EGLN3: variants seen among roughly 807,000 people sequenced by gnomAD.
EGLN3 encodes the protein egl-9 family hypoxia inducible factor 3.
In EGLN3, 15 loss-of-function variants were observed where a neutral mutation model predicts 26.0. That is an observed-to-expected ratio of 0.58 (90% confidence interval 0.39 to 0.89). The LOEUF (loss-of-function observed/expected upper bound fraction) is 0.89. Ranked by LOEUF, EGLN3 falls within the 40% of genes least tolerant of loss-of-function variation. The pLI, the probability that EGLN3 is intolerant of heterozygous loss-of-function variation, is 0.00. For synonymous variants in EGLN3, 147 were observed against 127.2 expected, an observed-to-expected ratio of 1.16 and a Z score of -1.05; for missense variants, 238 against 311.6, an observed-to-expected ratio of 0.76 and a Z score of 1.78.
rs141303016 is a variant in EGLN3 at position 33,938,333 on chromosome 14, C to T, written c.358-7118G>A. On this transcript the variant is annotated intron_variant, in intron 1 of 4. Transcript: ENST00000250457. ...TTTCTGCATTGTGGTTAATTCTTCT[C>T]CTTGGAGGGGATTCAGCCAGAGCCC... Among the ~76,000 whole-genome samples, 88 of 152,318 alleles carry T rather than the reference C, an allele frequency of 5.8e-4. 2 individuals are homozygous for T. The highest frequency in any genetic ancestry group is 2.1e-3 in the African/African-American group (87 of 41,586).
intron 1 of EGLN3, among the ~76,000 whole-genome samples, chr14:33,944,793 C>T (rs1238769679): frequency 6.6e-6 from 1 of 152,242 alleles, no homozygotes; most frequent in African/African-American, 2.4e-5. Context: ...CCTTCCCCAT[C>T]CACGGACAGG....
chr14:33,931,207 C>T lies in EGLN3; in HGVS notation c.366G>A (p.Val122=), dbSNP rs781688677. 1.1e-5 allele frequency: 18 copies of T among 1,614,200 alleles called. No individual in the cohort carries two copies. In the South Asian group the frequency reaches 2.0e-4, roughly 18 times the overall value. The change falls in exon 2 of 5, where the codon GTG becomes GTA. Residue 122 remains valine (V), a synonymous_variant. Coordinates refer to ENST00000250457, the MANE Select transcript of EGLN3 (RefSeq NM_022073.4). ...YYVKERSKAM[V]ACYPGNGTGY... ...CTGTTCCATTTCCCGGATAGCAAGCCACCATTGCCTATGGAGAAATCCCAA... is the reference window on the plus strand; with the variant it reads ...CTGTTCCATTTCCCGGATAGCAAGCTACCATTGCCTATGGAGAAATCCCAA...
chr14:33,950,785 G>GTGATA lies in EGLN3; in HGVS notation c.-34_-33insTATCA. ...GCAGAATCGAGGTCCGGGATCCCCAGCGTGCAACCAGAGAGGGAACGATCT... is the reference window on the plus strand; with the variant it reads ...GCAGAATCGAGGTCCGGGATCCCCAGTGATACGTGCAACCAGAGAGGGAACGATCT... On this transcript the variant is annotated 5_prime_UTR_variant, in exon 1 of 5. Transcript: ENST00000250457. 7.2e-7 allele frequency: 1 copy of GTGATA among 1,396,216 alleles called. No individual in the cohort carries two copies. Among genetic ancestry groups the GTGATA allele is most frequent in the South Asian group, 1.9e-5 (1 of 52,936 alleles). The allele number at this position is 1,396,216 out of a possible 1,614,324, so 86.5% of individuals were successfully genotyped here. A position where few individuals can be genotyped will look rare whatever the true frequency, so the allele number is the denominator to read the frequency against.
intron 1 of EGLN3, among the ~76,000 whole-genome samples, chr14:33,933,017 C>T (rs1435466298): frequency 6.6e-6 from 1 of 152,156 alleles, no homozygotes; most frequent in Non-Finnish European, 1.5e-5. Context: ...AGGCTCCCCC[C>T]ACTGAGTGTG....
At chr14:33,939,432 T>C (rs367695242) in intron 1 of EGLN3, among the ~76,000 whole-genome samples, 2 of 152,102 alleles carry the variant, frequency 1.3e-5, no homozygotes, top group African/African-American at 4.8e-5. Flanking sequence ...GGATGGTCTC[T>C]ATCTCCTGAC....
chr14:33,928,743 A>G (rs1366405926), intron 3 of EGLN3, among the ~76,000 whole-genome samples: 1 of 152,168 alleles, frequency 6.6e-6, no homozygotes, highest in African/African-American at 2.4e-5. Context: ...TTCTCTAGGC[A>G]TAGTTCAACA....
At chr14:33,946,678 C>G (rs1531800) in intron 1 of EGLN3, among the ~76,000 whole-genome samples, 39,106 of 152,150 alleles carry the variant, frequency 0.26, 5,855 homozygotes, top group Non-Finnish European at 0.35. Flanking sequence ...TCTGGAGTTA[C>G]ACAAATCTAG....
intron 1 of EGLN3, among the ~76,000 whole-genome samples, chr14:33,943,276 G>T (rs1439312436): frequency 6.6e-6 from 1 of 152,132 alleles, no homozygotes; most frequent in African/African-American, 2.4e-5. Flanking sequence ...CCTTAGTCTG[G>T]CACCATCAAA....
intron 1 of EGLN3, among the ~76,000 whole-genome samples, chr14:33,937,873 C>T (rs750793273): frequency 2.0e-5 from 3 of 152,212 alleles, no homozygotes; most frequent in African/African-American, 4.8e-5. Context: ...AACCGACTCT[C>T]GGTTGCTCTA....
chr14:33,944,668 G>T (rs1401248267), intron 1 of EGLN3, among the ~76,000 whole-genome samples: 1 of 152,220 alleles, frequency 6.6e-6, no homozygotes, highest in Non-Finnish European at 1.5e-5. Context: ...TGACTAATGA[G>T]CGTAAACGTG....
chr14:33,933,742 C>A (rs1056115732), intron 1 of EGLN3, among the ~76,000 whole-genome samples: 1 of 152,010 alleles, frequency 6.6e-6, no homozygotes, highest in Non-Finnish European at 1.5e-5. Flanking sequence ...AGCCTGACTT[C>A]AATAACTAGC....
At chr14:33,932,861 A>C (rs1366318024) in intron 1 of EGLN3, among the ~76,000 whole-genome samples, 1 of 152,162 alleles carries the variant, frequency 6.6e-6, no homozygotes, top group Non-Finnish European at 1.5e-5. Context: ...CTAGCAAGAG[A>C]AGAAGAGACA....
At chr14:33,939,052 T>C (rs2064462133) in intron 1 of EGLN3, among the ~76,000 whole-genome samples, 1 of 152,222 alleles carries the variant, frequency 6.6e-6, no homozygotes, top group African/African-American at 2.4e-5. Flanking sequence ...CATCAGAGAA[T>C]GGAATATTTG....
intron 1 of EGLN3, among the ~76,000 whole-genome samples, chr14:33,947,879 G>A (rs113417000): frequency 0.012 from 1,777 of 152,098 alleles, 21 homozygotes; most frequent in South Asian, 0.027. Flanking sequence ...GTGAAACCCC[G>A]TCTCTACTAA....
chr14:33,949,598 T>C (rs931934356), intron 1 of EGLN3: 5 of 152,086 alleles, frequency 3.3e-5, no homozygotes, highest in Non-Finnish European at 7.4e-5. Context: ...CATGTTCCCG[T>C]TTTTCTGCCA....
intron 1 of EGLN3, among the ~76,000 whole-genome samples, chr14:33,946,388 A>G (rs1238629553): frequency 1.3e-5 from 2 of 152,000 alleles, no homozygotes; most frequent in African/African-American, 4.8e-5. Flanking sequence ...ATAAATAAAT[A>G]AATAAATAAA....
intron 1 of EGLN3, chr14:33,950,025 A>G (rs539355747): frequency 1.9e-6 from 1 of 513,254 alleles, no homozygotes; most frequent in East Asian, 3.1e-5. Flanking sequence ...ATTTAAGATC[A>G]TGAGGACACG....
At chr14:33,943,231 A>G (rs1594383830) in intron 1 of EGLN3, among the ~76,000 whole-genome samples, 2 of 152,226 alleles carry the variant, frequency 1.3e-5, no homozygotes, top group Non-Finnish European at 2.9e-5. Flanking sequence ...TCTGAGCCCA[A>G]TCAACGGCTC....
At position 33,925,498 on chromosome 14, in the gene EGLN3, T is replaced by G. The variant is rs1356631928; in HGVS notation, c.*393A>C. 5.8e-6 allele frequency: 1 copy of G among 172,508 alleles called. No homozygotes were observed. The highest frequency in any genetic ancestry group is 1.2e-5 in the Non-Finnish European group (1 of 80,404). The allele number at this position is 172,508 out of a possible 1,614,324, so 10.7% of individuals were successfully genotyped here. A position where few individuals can be genotyped will look rare whatever the true frequency, so the allele number is the denominator to read the frequency against. On this transcript the variant is annotated 3_prime_UTR_variant, in exon 5 of 5. Transcript: ENST00000250457. The stretch of plus-strand genomic sequence containing the variant: ...GCTTCCGTGATGCCTCTCTGTGGCA[T>G]CTACCACCTCCATTTTTTTCTTTTC...
Sources: allele counts gnomAD v4.1 joint callset (sites outside exome capture counted in the v4.1 genomes callset), GRCh38; gene constraint gnomAD v4.1.1; transcripts MANE v1.5; gene names NCBI Gene and HGNC (gene_info 2026-07-23, HGNC 2026-07-21).